Variants in SNX4 observed in about 807,000 individuals in gnomAD.
SNX4 encodes the protein sorting nexin 4, also known as sorting nexin-4.
Under a neutral mutation model 70.8 loss-of-function variants are expected in SNX4, and 49 were observed. The ratio of observed to expected loss-of-function variants is 0.69; its 90% CI spans 0.55 to 0.88. The LOEUF is 0.88. SNX4 is among the 40% of genes least tolerant of loss of function. The pLI, the probability that SNX4 is intolerant of heterozygous loss-of-function variation, is 0.00. For synonymous variants in SNX4, 206 were observed against 183.8 expected (o/e 1.12, Z -0.98); for missense variants, 528 against 544.8 (o/e 0.97, Z 0.31).
chr3:125,507,164 C>T (rs1302983021), intron 1 of SNX4, among the ~76,000 whole-genome samples: 3 of 139,232 alleles, frequency 2.2e-5, no homozygotes, highest in Admixed American at 1.6e-4. Flanking sequence ...GCAAAGACCA[C>T]GCCACTGCAC....
intron 1 of SNX4, among the ~76,000 whole-genome samples, chr3:125,518,803 G>C (rs191675973): frequency 1.3e-5 from 2 of 151,348 alleles, no homozygotes; most frequent in East Asian, 3.9e-4. Flanking sequence ...AGAAGTTCGA[G>C]ACCAGCCTGA....
intron 5 of SNX4, among the ~76,000 whole-genome samples, chr3:125,494,782 G>A (rs1283634820): frequency 1.3e-5 from 2 of 152,058 alleles, no homozygotes; most frequent in East Asian, 3.9e-4. Context: ...TTTTTCTTGA[G>A]GCCTCCAGTT....
In SNX4 at chr3:125,495,275, T is replaced by TATATATATATATATATACACACACACAC; in HGVS notation, c.597+2065_597+2066insGTGTGTGTGTGTATATATATATATATAT. ...TTATATATATATATATATATATATA[T>TATATATATATATATATACACACACACAC]ATACACATACACACACACACACGTA... On this transcript the variant is annotated intron_variant, in intron 5 of 13. Transcript: ENST00000251775. Among the ~76,000 whole-genome samples, 20 of 83,056 alleles carry TATATATATATATATATACACACACACAC rather than the reference T, an allele frequency of 2.4e-4. 1 individual carries two copies. The highest frequency in any genetic ancestry group is 7.3e-4 in the African/African-American group (20 of 27,584). 54.5% of individuals were successfully genotyped at this position (83,056 alleles called of 152,430 possible). A position where few individuals can be genotyped will look rare whatever the true frequency, so the allele number is the denominator to read the frequency against.
At chr3:125,486,901 G>A (rs1934545658) in intron 6 of SNX4, among the ~76,000 whole-genome samples, 1 of 152,024 alleles carries the variant, frequency 6.6e-6, no homozygotes, top group Admixed American at 6.6e-5. Flanking sequence ...ATATATATAT[G>A]TGTGTGTATA....
At chr3:125,483,981 A>G (rs147287445) in intron 6 of SNX4, among the ~76,000 whole-genome samples, 48 of 152,346 alleles carry the variant, frequency 3.2e-4, no homozygotes, top group African/African-American at 1.1e-3. Context: ...ATAACGTCAG[A>G]ATGTTGCAGT....
At chr3:125,465,284 C>G (rs766947180) in intron 9 of SNX4, among the ~76,000 whole-genome samples, 12 of 149,994 alleles carry the variant, frequency 8.0e-5, no homozygotes, top group Non-Finnish European at 1.8e-4. Flanking sequence ...TCACTCTTGT[C>G]ACCCAGGCTG....
chr3:125,504,762 A>T lies in SNX4; in HGVS notation c.142-18T>A, dbSNP rs202198492. ...TGTGTCATCTGGACAAAAGTAAATA[A>T]AACAACAACAACAACAAAAACCTTT... On this transcript the variant is annotated intron_variant, in intron 1 of 13. Transcript: ENST00000251775. 14 of 1,608,754 alleles carry T rather than the reference A, an allele frequency of 8.7e-6. No individual in the cohort carries two copies. The highest frequency in any genetic ancestry group is 7.6e-6 in the Non-Finnish European group (9 of 1,177,668).
chr3:125,503,674 A>AC lies in SNX4; in HGVS notation c.263+948_263+949insG, dbSNP rs546435717. Among the ~76,000 whole-genome samples the AC allele has an allele frequency of 2.6e-4, 39 of 152,264 alleles. No individual in the cohort carries two copies. The South Asian group carries it at 7.0e-3, about 28-fold the overall frequency. ...TTTGTTAACCATTTCCACCTGCCCA[A>AC]GTTCACTTCTACATGCCAGAGAACC... is the stretch of plus-strand genomic sequence containing the variant. On this transcript the variant is annotated intron_variant, in intron 2 of 13. Coordinates refer to ENST00000251775, the MANE Select transcript of SNX4 (RefSeq NM_003794.4).
At chr3:125,497,707 A>T in intron 4 of SNX4, 127 bp downstream of exon 4, 1 of 665,542 alleles carries the variant, frequency 1.5e-6, no homozygotes. Flanking sequence ...CATTAATTAG[A>T]AATTCATAAC....
chr3:125,497,999 A>G lies in SNX4; in HGVS notation c.400-16T>C. ...CAAATTCTGCCTAGGTAAACAAAAT[A>G]ATCATTAAGAATAGTCTCAATGCTG... On this transcript the variant is annotated splice_polypyrimidine_tract_variant and intron_variant, in intron 3 of 13. Coordinates refer to ENST00000251775, the MANE Select transcript of SNX4 (RefSeq NM_003794.4). 6.2e-7 allele frequency: 1 copy of G among 1,614,042 alleles called. No homozygotes were observed.
At position 125,520,125 on chromosome 3, in the gene SNX4, G is replaced by T; in HGVS notation, c.48C>A (p.Pro16=). The T allele has an allele frequency of 6.8e-7, 1 of 1,475,084 alleles. No individual in the cohort carries two copies. Among genetic ancestry groups the T allele is most frequent in the East Asian group, 2.9e-5 (1 of 34,136 alleles). The allele number at this position is 1,475,084 out of a possible 1,614,324, so 91.4% of individuals were successfully genotyped here. A position where few individuals can be genotyped will look rare whatever the true frequency, so the allele number is the denominator to read the frequency against. ...PDPERQLQPA[P]LEPLGSPDAG... ...CGTCTGGGGAGCCCAGCGGCTCCAA[G>T]GGCGCCGGCTGGAGCTGCCGCTCGG... Residue 16 remains proline, a synonymous_variant, in exon 1 of 14, where the codon CCC becomes CCA. Transcript: ENST00000251775.
At position 125,447,711 on chromosome 3, in the gene SNX4, A is replaced by T; in HGVS notation, c.*68T>A. On this transcript the variant is annotated 3_prime_UTR_variant, in exon 14 of 14. Transcript: ENST00000251775. The stretch of plus-strand genomic sequence containing the variant: ...TTTATGTATACTAGGTAGTGACTTA[A>T]ATTTCTTTTATTTACTTGTGCTTCT... The T allele has an allele frequency of 8.6e-7, 1 of 1,158,144 alleles. No individual in the cohort carries two copies. The highest frequency in any genetic ancestry group is 1.4e-5 in the South Asian group (1 of 70,558). The allele number at this position is 1,158,144 out of a possible 1,614,324, so 71.7% of individuals were successfully genotyped here. A position where few individuals can be genotyped will look rare whatever the true frequency, so the allele number is the denominator to read the frequency against.
intron 10 of SNX4, among the ~76,000 whole-genome samples, chr3:125,459,306 T>C (rs1451341403): frequency 6.6e-6 from 1 of 152,192 alleles, no homozygotes; most frequent in Admixed American, 6.5e-5. Context: ...CATTGACAAA[T>C]ACCATATCCA....
At chr3:125,505,921 C>CT (rs1935033925) in intron 1 of SNX4, among the ~76,000 whole-genome samples, 1 of 152,114 alleles carries the variant, frequency 6.6e-6, no homozygotes, top group Non-Finnish European at 1.5e-5. Flanking sequence ...CACAGGAAGA[C>CT]TTTGTCTCTT....
chr3:125,504,332 CA>C (rs759738129), intron 2 of SNX4, among the ~76,000 whole-genome samples: 5,920 of 60,182 alleles, frequency 0.098, 120 homozygotes, highest in Middle Eastern at 0.16. Context: ...GACTCCATCT[CA>C]AAAAAAAAAA....
intron 5 of SNX4, among the ~76,000 whole-genome samples, chr3:125,491,721 C>T (rs954752323): frequency 6.6e-6 from 1 of 152,178 alleles, no homozygotes; most frequent in African/African-American, 2.4e-5. Context: ...CCCCTTAATT[C>T]ATTATTGTTT....
At chr3:125,454,965 G>C (rs1933672402) in intron 11 of SNX4, among the ~76,000 whole-genome samples, 1 of 151,492 alleles carries the variant, frequency 6.6e-6, no homozygotes, top group African/African-American at 2.4e-5. Context: ...GTCTTGCTCT[G>C]TTGCCCAGGC....
intron 6 of SNX4, among the ~76,000 whole-genome samples, chr3:125,481,760 A>G (rs1934417912): frequency 6.6e-6 from 1 of 152,122 alleles, no homozygotes; most frequent in African/African-American, 2.4e-5. Context: ...TAAAAACACT[A>G]CTGATGGTCT....
chr3:125,458,687 G>A (rs1413151769), intron 10 of SNX4, among the ~76,000 whole-genome samples: 7 of 151,528 alleles, frequency 4.6e-5, no homozygotes, highest in Non-Finnish European at 7.4e-5. Flanking sequence ...GGTGGCAGGC[G>A]CCTGTACTCC....
Sources: allele counts gnomAD v4.1 joint callset (sites outside exome capture counted in the v4.1 genomes callset), GRCh38; gene constraint gnomAD v4.1.1; transcripts MANE v1.5; gene names NCBI Gene and HGNC (gene_info 2026-07-23, HGNC 2026-07-21).